Variants in CAMK1D observed in about 807,000 individuals in gnomAD.
The protein encoded by CAMK1D is calcium/calmodulin dependent protein kinase ID, also known as calcium/calmodulin-dependent protein kinase type 1D.
CAMK1D carries 9 observed loss-of-function variants against 47.7 expected under a neutral mutation model. That is an observed-to-expected ratio of 0.19 (90% CI 0.11 to 0.33). CAMK1D has a LOEUF of 0.33. Among genes scored for constraint, CAMK1D ranks in the 10% least tolerant of loss-of-function variants. The pLI is 1.00. For missense variants in CAMK1D, 291 were observed against 488.7 expected, an observed-to-expected ratio of 0.60 and a Z score of 3.81; for synonymous variants, 184 against 184.9, an observed-to-expected ratio of 0.99 and a Z score of 0.04.
chr10:12,513,764 A>G (rs1380723443), intron 1 of CAMK1D, among the ~76,000 whole-genome samples: 3 of 152,174 alleles, frequency 2.0e-5, no homozygotes, highest in African/African-American at 7.2e-5. Context: ...TCATGCCACT[A>G]TACTCCATTC....
At chr10:12,579,618 C>A (rs1837601491) in intron 2 of CAMK1D, among the ~76,000 whole-genome samples, 1 of 152,192 alleles carries the variant, frequency 6.6e-6, no homozygotes, top group Non-Finnish European at 1.5e-5. Context: ...TTCTCTCCAT[C>A]TACTACTCTT....
chr10:12,765,628 T>C (rs1320994965), intron 4 of CAMK1D, among the ~76,000 whole-genome samples: 1 of 152,224 alleles, frequency 6.6e-6, no homozygotes, highest in Non-Finnish European at 1.5e-5. Flanking sequence ...GTGGCCTCAT[T>C]GTCTGGGGTG....
Position 12,828,907 on chromosome 10 carries a change from C to T in CAMK1D, c.*20C>T. On this transcript the variant is annotated 3_prime_UTR_variant, in exon 11 of 11. Transcript: ENST00000619168. The stretch of plus-strand genomic sequence containing the variant: ...AAGTGACTGGCCCTGGAGGTGGGGC[C>T]CGGGGTCGGGGCTGGGGAAGGGGAG... The T allele has an allele frequency of 6.4e-7, 1 of 1,571,268 alleles. No individual in the cohort carries two copies. The highest frequency in any genetic ancestry group is 8.6e-7 in the Non-Finnish European group (1 of 1,157,822).
chr10:12,395,178 C>T (rs1052699352), intron 1 of CAMK1D, among the ~76,000 whole-genome samples: 1 of 149,240 alleles, frequency 6.7e-6, no homozygotes, highest in African/African-American at 2.5e-5. Flanking sequence ...TTCAAGCAGT[C>T]CTCCCACCTC....
chr10:12,457,126 C>T (rs765525783), intron 1 of CAMK1D, among the ~76,000 whole-genome samples: 21 of 152,270 alleles, frequency 1.4e-4, no homozygotes, highest in Non-Finnish European at 1.8e-4. Flanking sequence ...CATGGTGGCT[C>T]ACGCCTGTAA....
At chr10:12,494,262 A>T (rs1181151117) in intron 1 of CAMK1D, among the ~76,000 whole-genome samples, 1 of 152,224 alleles carries the variant, frequency 6.6e-6, no homozygotes, top group Non-Finnish European at 1.5e-5. Context: ...ATAGAGCCAG[A>T]TTATCTGTGG....
At chr10:12,442,589 A>G (rs759897895) in intron 1 of CAMK1D, among the ~76,000 whole-genome samples, 2 of 152,242 alleles carry the variant, frequency 1.3e-5, no homozygotes, top group Admixed American at 6.5e-5. Context: ...CCTTCTATAC[A>G]TAGACACTGT....
intron 3 of CAMK1D, among the ~76,000 whole-genome samples, chr10:12,750,332 A>G (rs1200832055): frequency 6.6e-6 from 1 of 152,164 alleles, no homozygotes. Flanking sequence ...CTTACCCTTT[A>G]GCAGATCATT....
intron 1 of CAMK1D, among the ~76,000 whole-genome samples, chr10:12,425,614 T>G (rs1840204744): frequency 6.6e-6 from 1 of 152,132 alleles, no homozygotes; most frequent in Non-Finnish European, 1.5e-5. Context: ...CTCCAGAACC[T>G]CTTCTTAGCC....
At chr10:12,644,170 T>C (rs1364379732) in intron 2 of CAMK1D, among the ~76,000 whole-genome samples, 2 of 152,176 alleles carry the variant, frequency 1.3e-5, no homozygotes, top group Non-Finnish European at 2.9e-5. Context: ...CCAGAAAAGG[T>C]TGAGAACCAC....
chr10:12,753,980 TC>T (rs1167092763), intron 3 of CAMK1D, among the ~76,000 whole-genome samples: 1 of 152,174 alleles, frequency 6.6e-6, no homozygotes, highest in Non-Finnish European at 1.5e-5. Flanking sequence ...ATCCTCCACC[TC>T]CCGGGCTCAA....
chr10:12,470,499 C>T (rs1833712426), intron 1 of CAMK1D, among the ~76,000 whole-genome samples: 1 of 149,982 alleles, frequency 6.7e-6, no homozygotes, highest in Non-Finnish European at 1.5e-5. Context: ...GTGTATGCTT[C>T]TTCTTCTTCT....
At chr10:12,460,767 A>G (rs1182066861) in intron 1 of CAMK1D, among the ~76,000 whole-genome samples, 1 of 150,984 alleles carries the variant, frequency 6.6e-6, no homozygotes, top group Admixed American at 6.6e-5. Flanking sequence ...GAGTTTTGCT[A>G]TGTTGCCCAG....
At chr10:12,823,275 G>A (rs1208110793) in intron 8 of CAMK1D, among the ~76,000 whole-genome samples, 2 of 152,092 alleles carry the variant, frequency 1.3e-5, no homozygotes, top group African/African-American at 4.8e-5. Context: ...CCATAACGTT[G>A]GTTTCTGACT....
At chr10:12,711,264 G>C (rs548050366) in intron 3 of CAMK1D, among the ~76,000 whole-genome samples, 11 of 152,268 alleles carry the variant, frequency 7.2e-5, no homozygotes, top group African/African-American at 2.6e-4. Flanking sequence ...GTGGTCATAG[G>C]GGACTGGAAC....
chr10:12,449,997 C>CA (rs896134641), intron 1 of CAMK1D, among the ~76,000 whole-genome samples: 115 of 148,818 alleles, frequency 7.7e-4, no homozygotes, highest in Non-Finnish European at 7.5e-4. Flanking sequence ...GACTCCATCT[C>CA]AAAAAAAATA....
intron 2 of CAMK1D, among the ~76,000 whole-genome samples, chr10:12,600,984 G>C (rs1218507903): frequency 6.6e-6 from 1 of 152,138 alleles, no homozygotes; most frequent in African/African-American, 2.4e-5. Flanking sequence ...TGGCTGAATA[G>C]TGTTCCTCGG....
chr10:12,614,849 A>G (rs1202050246), intron 2 of CAMK1D, among the ~76,000 whole-genome samples: 3 of 152,226 alleles, frequency 2.0e-5, no homozygotes, highest in African/African-American at 4.8e-5. Flanking sequence ...AGTACCAGCC[A>G]TACCAGCTAT....
chr10:12,730,071 C>T (rs986016494), intron 3 of CAMK1D, among the ~76,000 whole-genome samples: 1 of 152,116 alleles, frequency 6.6e-6, no homozygotes, highest in Non-Finnish European at 1.5e-5. Context: ...GGCTGCTGTG[C>T]TATGTTGAGA....
Sources: allele counts gnomAD v4.1 joint callset (sites outside exome capture counted in the v4.1 genomes callset), GRCh38; gene constraint gnomAD v4.1.1; transcripts MANE v1.5; gene names NCBI Gene and HGNC (gene_info 2026-07-23, HGNC 2026-07-21).